ATP10B: variants seen among roughly 807,000 people sequenced by gnomAD.
ATP10B encodes the protein phospholipid-transporting ATPase VB.
In ATP10B, 122 loss-of-function variants were observed where a neutral mutation model predicts 141.2. The observed-to-expected ratio is 0.86, with a 90% confidence interval of 0.75 to 1.00. The LOEUF (loss-of-function observed/expected upper bound fraction) is 1.00. Among genes scored for constraint, ATP10B ranks in the 50% least tolerant of loss-of-function variants. The pLI is 0.00. For missense variants in ATP10B, 1,876 were observed against 1,825.3 expected (o/e 1.03, Z -0.51); for synonymous variants, 685 against 692.0 (o/e 0.99, Z 0.16).
chr5:160,864,261 A>C, the ATP10B span, among the ~76,000 whole-genome samples: 2 of 152,092 alleles, frequency 1.3e-5, no homozygotes, highest in Admixed American at 6.6e-5. Flanking sequence ...CCAGCCATGC[A>C]GGGATAGTTT....
intron 9 of ATP10B, among the ~76,000 whole-genome samples, chr5:160,640,927 G>T (rs1217173990): frequency 2.6e-5 from 4 of 152,116 alleles, no homozygotes; most frequent in Non-Finnish European, 5.9e-5. Context: ...CAGAGTTCTG[G>T]CAAATGATAG....
At chr5:160,785,182 T>C (rs1771044533) in intron 2 of ATP10B, among the ~76,000 whole-genome samples, 1 of 152,264 alleles carries the variant, frequency 6.6e-6, no homozygotes, top group African/African-American at 2.4e-5. Flanking sequence ...GGACCTCTCT[T>C]ACCTTGGGAC....
At chr5:160,665,878 G>A (rs1006814336) in intron 7 of ATP10B, among the ~76,000 whole-genome samples, 1 of 152,200 alleles carries the variant, frequency 6.6e-6, no homozygotes, top group African/African-American at 2.4e-5. Context: ...TAGGGACTTA[G>A]AGGGAGAATA....
At position 160,755,233 on chromosome 5, in the gene ATP10B, TAAAGGA is replaced by T. The variant is rs572681172; in HGVS notation, c.-331+30320_-331+30325del. On this transcript the variant is annotated intron_variant, in intron 2 of 25. Coordinates refer to ENST00000327245, the MANE Select transcript of ATP10B (RefSeq NM_025153.3). ...TGAAGGGAGAGGTGCCACACACTTT[TAAAGGA>T]TCAGATCTCCTGAGAACTCACTCAC... 2.5e-3 allele frequency among the ~76,000 whole-genome samples: 381 copies of T among 151,606 alleles called. 1 individual carries two copies. Among genetic ancestry groups the T allele is most frequent in the Admixed American group, 3.4e-3 (52 of 15,226 alleles).
chr5:160,591,770 T>G, intron 22 of ATP10B, among the ~76,000 whole-genome samples: 1 of 152,174 alleles, frequency 6.6e-6, no homozygotes, highest in Non-Finnish European at 1.5e-5. Context: ...TCAAGGAATT[T>G]GCTATGCAGT....
intron 6 of ATP10B, among the ~76,000 whole-genome samples, chr5:160,676,460 T>C (rs905110420): frequency 2.0e-5 from 3 of 152,202 alleles, no homozygotes; most frequent in Non-Finnish European, 4.4e-5. Flanking sequence ...GTTGCCACAC[T>C]TCCCTGTATA....
At chr5:160,819,010 G>T (rs553104711) in intron 1 of ATP10B, among the ~76,000 whole-genome samples, 2 of 152,288 alleles carry the variant, frequency 1.3e-5, no homozygotes, top group South Asian at 4.1e-4. Flanking sequence ...TGGGGGGTGG[G>T]AGTGGGGACG....
intron 2 of ATP10B, among the ~76,000 whole-genome samples, chr5:160,765,977 G>A (rs7701415): frequency 0.26 from 39,611 of 151,864 alleles, 6,213 homozygotes; most frequent in East Asian, 0.42. Flanking sequence ...CTAATTATCA[G>A]GAAAATGCAA....
At chr5:160,673,577 C>T (rs1235700284) in intron 6 of ATP10B, among the ~76,000 whole-genome samples, 1 of 151,920 alleles carries the variant, frequency 6.6e-6, no homozygotes, top group East Asian at 1.9e-4. Context: ...TCCCCATCTC[C>T]CCCCAACCCT....
chr5:160,890,855 A>G, the ATP10B span, among the ~76,000 whole-genome samples: 2 of 152,176 alleles, frequency 1.3e-5, no homozygotes, highest in Non-Finnish European at 2.9e-5. Context: ...AGCTACAGGC[A>G]TATGCTGCCA....
At chr5:160,754,435 G>C (rs1768371747) in intron 2 of ATP10B, among the ~76,000 whole-genome samples, 1 of 152,082 alleles carries the variant, frequency 6.6e-6, no homozygotes, top group East Asian at 1.9e-4. Flanking sequence ...ATGAAATCAG[G>C]GGTATAAATA....
At chr5:160,776,540 G>A (rs1407679770) in intron 2 of ATP10B, among the ~76,000 whole-genome samples, 1 of 152,140 alleles carries the variant, frequency 6.6e-6, no homozygotes, top group Non-Finnish European at 1.5e-5. Flanking sequence ...TTTACAGAGG[G>A]CAAGAAATGT....
the ATP10B span, among the ~76,000 whole-genome samples, chr5:160,861,791 G>A: frequency 6.6e-6 from 1 of 151,816 alleles, no homozygotes; most frequent in Admixed American, 6.6e-5. Flanking sequence ...GGACCTAAAT[G>A]AGTTTTTATT....
At chr5:160,791,178 A>G (rs1771539063) in intron 1 of ATP10B, among the ~76,000 whole-genome samples, 1 of 152,212 alleles carries the variant, frequency 6.6e-6, no homozygotes, top group African/African-American at 2.4e-5. Flanking sequence ...AGAAGGGAGC[A>G]CAACTTTGCC....
chr5:160,924,187 T>A, the ATP10B span, among the ~76,000 whole-genome samples: 1 of 152,208 alleles, frequency 6.6e-6, no homozygotes, highest in South Asian at 2.1e-4. Context: ...ATCTGTAATG[T>A]GTTATCAAAC....
rs1458920291 is a variant in ATP10B at position 160,564,211 on chromosome 5, C to G, written c.*1242G>C. On this transcript the variant is annotated 3_prime_UTR_variant, in exon 26 of 26. Coordinates refer to ENST00000327245, the MANE Select transcript of ATP10B (RefSeq NM_025153.3). ...GCTTAAGGTGGCTCAGTAACCCTTT[C>G]TGGCTTATTTTACAAGACTAGGGTT... The G allele has an allele frequency of 6.6e-6, 1 of 152,196 alleles. No homozygotes were observed. Among genetic ancestry groups the G allele is most frequent in the Admixed American group, 6.5e-5 (1 of 15,278 alleles). 9.4% of individuals were successfully genotyped at this position (152,196 alleles called of 1,614,324 possible). A position where few individuals can be genotyped will look rare whatever the true frequency, so the allele number is the denominator to read the frequency against.
At chr5:160,774,589 A>G (rs1434930295) in intron 2 of ATP10B, among the ~76,000 whole-genome samples, 1 of 152,068 alleles carries the variant, frequency 6.6e-6, no homozygotes, top group Non-Finnish European at 1.5e-5. Context: ...ACAGTCTGGG[A>G]CCATTCTTTA....
chr5:160,898,569 T>C, the ATP10B span, among the ~76,000 whole-genome samples: 396 of 152,302 alleles, frequency 2.6e-3, 1 homozygote, highest in African/African-American at 9.1e-3. Context: ...AGTTTGACCA[T>C]TGTGGAAGAC....
chr5:160,741,435 C>T (rs113624947), intron 2 of ATP10B, among the ~76,000 whole-genome samples: 17 of 152,262 alleles, frequency 1.1e-4, no homozygotes, highest in Non-Finnish European at 2.1e-4. Context: ...CAGTGACTTG[C>T]GTCCTAATCT....
Sources: gnomAD v4.1 joint callset for allele counts (sites outside exome capture counted in the v4.1 genomes callset) on GRCh38, gnomAD v4.1.1 for gene constraint, MANE v1.5 for transcripts, NCBI Gene and HGNC (gene_info 2026-07-23, HGNC 2026-07-21) for gene names.